The following LCP2 variants were observed in gnomAD, a reference collection of about 807,000 sequenced individuals.
LCP2 encodes 76 kDa tyrosine phosphoprotein.
A neutral mutation model predicts 74.5 loss-of-function variants in LCP2; 29 were observed. That is an observed-to-expected ratio of 0.39 (90% CI 0.29 to 0.53). The LOEUF is 0.53. Ranked by LOEUF, LCP2 falls within the 20% of genes least tolerant of loss-of-function variation. The pLI is 0.72. For missense variants in LCP2, 604 were observed against 634.6 expected, an observed-to-expected ratio of 0.95 and a Z score of 0.52; for synonymous variants, 228 against 229.5, an observed-to-expected ratio of 0.99 and a Z score of 0.06.
chr5:170,271,666 G>A (rs927239667), intron 6 of LCP2, among the ~76,000 whole-genome samples: 2 of 151,988 alleles, frequency 1.3e-5, no homozygotes, highest in African/African-American at 4.8e-5. Context: ...GTCCATGAAG[G>A]TGAATGAGCA....
At chr5:170,257,451 G>A (rs1761574451) in intron 16 of LCP2, among the ~76,000 whole-genome samples, 1 of 152,156 alleles carries the variant, frequency 6.6e-6, no homozygotes, top group Admixed American at 6.5e-5. Context: ...AATATTAAGG[G>A]AGAAGGTAAG....
intron 16 of LCP2, among the ~76,000 whole-genome samples, chr5:170,257,559 G>A (rs1761577372): frequency 6.6e-6 from 1 of 152,062 alleles, no homozygotes; most frequent in South Asian, 2.1e-4. Flanking sequence ...ATCTGCCCCT[G>A]GGCGGCCTCA....
Position 170,256,479 on chromosome 5 carries a change from T to C in LCP2, c.1150+47A>G, listed in dbSNP as rs893227625. 1 of 1,512,914 alleles carries C rather than the reference T, an allele frequency of 6.6e-7. No individual in the cohort carries two copies. The highest frequency in any genetic ancestry group is 1.1e-5 in the South Asian group (1 of 88,962). 93.7% of individuals were successfully genotyped at this position (1,512,914 alleles called of 1,614,324 possible). A position where few individuals can be genotyped will look rare whatever the true frequency, so the allele number is the denominator to read the frequency against. ...TTGGGACAGGTTAGGGATCCAGTCA[T>C]AAAGGCTTGATGGCTGAAGCACGTC... On this transcript the variant is annotated intron_variant, in intron 17 of 20. Coordinates refer to ENST00000046794, the MANE Select transcript of LCP2 (RefSeq NM_005565.5). The surrounding 1 kb of genome is among the most constrained non-coding windows in gnomAD (Gnocchi z 4.5).
At chr5:170,290,955 A>AGAAAGAAAG (rs1762278782) in intron 2 of LCP2, among the ~76,000 whole-genome samples, 2 of 22,978 alleles carry the variant, frequency 8.7e-5, no homozygotes, top group African/African-American at 2.7e-4. Flanking sequence ...AAGAAAGAAA[A>AGAAAGAAAG]GAAAGAAAGA....
At chr5:170,288,071 G>A in intron 2 of LCP2, 55 bp from the exon 3 acceptor site, 1 of 1,546,374 alleles carries the variant, frequency 6.5e-7, no homozygotes, top group Non-Finnish European at 8.9e-7. Context: ...AGGGCTCTGA[G>A]CAGGAGGGGA....
intron 3 of LCP2, among the ~76,000 whole-genome samples, chr5:170,280,736 G>C (rs932868723): frequency 1.3e-5 from 2 of 152,162 alleles, no homozygotes; most frequent in Admixed American, 1.3e-4. Flanking sequence ...GGCCAGGTGT[G>C]GTGGCTCATG....
At chr5:170,276,533 C>T (rs923486801) in intron 3 of LCP2, among the ~76,000 whole-genome samples, 2 of 152,082 alleles carry the variant, frequency 1.3e-5, no homozygotes, top group Non-Finnish European at 2.9e-5. Context: ...TTGACCAAGA[C>T]ACTTGAAGAT....
chr5:170,270,118 T>G (rs315747), intron 7 of LCP2, among the ~76,000 whole-genome samples: 72,935 of 152,050 alleles, frequency 0.48, 17,953 homozygotes, highest in East Asian at 0.82. Flanking sequence ...CAGGGGCTAT[T>G]TCTTCTTTCC....
At chr5:170,282,606 A>G (rs1481934485) in intron 3 of LCP2, among the ~76,000 whole-genome samples, 1 of 152,266 alleles carries the variant, frequency 6.6e-6, no homozygotes, top group Non-Finnish European at 1.5e-5. Context: ...GAATAGTTAA[A>G]AAGCTAAAAT....
chr5:170,278,342 CA>C (rs1158864048), intron 3 of LCP2, among the ~76,000 whole-genome samples: 6 of 46,404 alleles, frequency 1.3e-4, no homozygotes, highest in African/African-American at 4.3e-4. Flanking sequence ...GATGGGAGTG[CA>C]GGGGGGGGCT....
chr5:170,293,689 C>T (rs565752845), intron 1 of LCP2, among the ~76,000 whole-genome samples: 4 of 152,354 alleles, frequency 2.6e-5, no homozygotes, highest in Non-Finnish European at 5.9e-5. Context: ...AAAAGAAATA[C>T]CATCCATTGT....
chr5:170,285,599 A>G (rs1265147696), intron 3 of LCP2, among the ~76,000 whole-genome samples: 2 of 152,192 alleles, frequency 1.3e-5, no homozygotes, highest in Non-Finnish European at 2.9e-5. Flanking sequence ...ATTAGGGCTA[A>G]TTATTCCCCA....
At chr5:170,249,093 C>T (rs1009503542) in intron 20 of LCP2, among the ~76,000 whole-genome samples, 13 of 152,010 alleles carry the variant, frequency 8.6e-5, no homozygotes, top group South Asian at 2.1e-4. Context: ...AGGCTAAGGC[C>T]GGTGGATCAC....
At chr5:170,250,286 A>G (rs1159790152) in intron 20 of LCP2, among the ~76,000 whole-genome samples, 1 of 152,216 alleles carries the variant, frequency 6.6e-6, no homozygotes, top group Non-Finnish European at 1.5e-5. Context: ...CCATCCTCAC[A>G]GAGCCAAACC....
chr5:170,257,959 A>G (rs1761585280), intron 16 of LCP2, 78 bp downstream of exon 16: 5 of 1,492,494 alleles, frequency 3.4e-6, no homozygotes, highest in East Asian at 2.3e-5. Flanking sequence ...CTTCTTTCTC[A>G]ATCTGCCTGG....
chr5:170,279,859 G>T (rs577631735), intron 3 of LCP2, among the ~76,000 whole-genome samples: 94 of 152,240 alleles, frequency 6.2e-4, no homozygotes, highest in Non-Finnish European at 8.4e-4. Context: ...TTGAACAACA[G>T]TGAAGGAAGC....
rs1330545902 is a variant in LCP2 at position 170,262,719 on chromosome 5, T to A, written c.842A>T (p.Lys281Met). Reference sequence around the variant, plus strand: ...CGGTGGTAAAGGAGGCTTTTGAATCTTGGGTAAATGCTCCCCGAGTGACCT... The same window carrying A: ...CGGTGGTAAAGGAGGCTTTTGAATCATGGGTAAATGCTCCCCGAGTGACCT... ...AGRSLGEHLP[K>M]IQKPPLPPTT... The change falls in exon 13 of 21, where the codon AAG becomes ATG. Residue 281 changes from lysine to methionine, a missense_variant. Coordinates refer to ENST00000046794, the MANE Select transcript of LCP2 (RefSeq NM_005565.5). 8.1e-6 allele frequency: 13 copies of A among 1,613,898 alleles called. No homozygotes were observed. The highest frequency in any genetic ancestry group is 1.0e-5 in the Non-Finnish European group (12 of 1,179,880).
chr5:170,267,614 C>G (rs920025548), intron 8 of LCP2, among the ~76,000 whole-genome samples: 4 of 150,864 alleles, frequency 2.7e-5, no homozygotes, highest in Non-Finnish European at 5.9e-5. Flanking sequence ...CCTGGTCTTC[C>G]GTCCCCCGAA....
intron 2 of LCP2, among the ~76,000 whole-genome samples, chr5:170,291,334 T>C (rs1327395375): frequency 6.6e-6 from 1 of 152,190 alleles, no homozygotes; most frequent in Non-Finnish European, 1.5e-5. Flanking sequence ...GATTAGTAAT[T>C]AGAGCTTAGA....
Sources: gnomAD v4.1 joint callset for allele counts (sites outside exome capture counted in the v4.1 genomes callset) on GRCh38, gnomAD v4.1.1 for gene constraint, Gnocchi (gnomAD v3.1) non-coding constraint, MANE v1.5 for transcripts, NCBI Gene and HGNC (gene_info 2026-07-23, HGNC 2026-07-21) for gene names.